ZNF585B: variants seen among roughly 807,000 people sequenced by gnomAD.
The protein encoded by ZNF585B is zinc finger protein 585B.
ZNF585B carries 7 observed loss-of-function variants against 14.0 expected under a neutral mutation model. That is an observed-to-expected ratio of 0.50 (90% CI 0.28 to 0.94). ZNF585B has a LOEUF of 0.94. Ranked by LOEUF, ZNF585B falls within the 40% of genes least tolerant of loss-of-function variation. The pLI is 0.09. For missense variants in ZNF585B, 750 were observed against 924.4 expected, an observed-to-expected ratio of 0.81 and a Z score of 2.45; for synonymous variants, 290 against 317.3, an observed-to-expected ratio of 0.91 and a Z score of 0.91.
rs112794863 is a variant in ZNF585B at position 37,184,644 on chromosome 19, T to C, written c.*583A>G. 1 of 185,050 alleles carries C rather than the reference T, an allele frequency of 5.4e-6. No homozygotes were observed. 11.5% of individuals were successfully genotyped at this position (185,050 alleles called of 1,614,324 possible). On this transcript the variant is annotated 3_prime_UTR_variant, in exon 5 of 5. Transcript: ENST00000532828. The stretch of plus-strand genomic sequence containing the variant: ...TTTCTATGACAATGGGGACTCAACA[T>C]ACGCTCTGAGGTCTGTGTCTGAATA...
chr19:37,200,968 G>A (rs1451075537), intron 2 of ZNF585B, among the ~76,000 whole-genome samples: 2 of 151,534 alleles, frequency 1.3e-5, no homozygotes, highest in African/African-American at 4.9e-5. Flanking sequence ...ACACACACCT[G>A]TAATCCCAGC....
intron 2 of ZNF585B, among the ~76,000 whole-genome samples, chr19:37,195,336 A>C (rs1481322807): frequency 1.7e-5 from 2 of 119,826 alleles, no homozygotes; most frequent in African/African-American, 3.3e-5. Flanking sequence ...ACAGAGCGAG[A>C]CTCTGACTCA....
chr19:37,208,798 C>A (rs184706032), intron 1 of ZNF585B, among the ~76,000 whole-genome samples: 1 of 152,248 alleles, frequency 6.6e-6, no homozygotes, highest in African/African-American at 2.4e-5. Flanking sequence ...TCGAGACCAG[C>A]CTGGCCAACA....
chr19:37,208,591 G>C (rs1972611941), intron 1 of ZNF585B, among the ~76,000 whole-genome samples: 1 of 100,382 alleles, frequency 1.0e-5, no homozygotes, highest in South Asian at 2.9e-4. Flanking sequence ...AGCAAAAAAG[G>C]CCAAAAAAAA....
chr19:37,203,137 T>A (rs1001517717), intron 2 of ZNF585B, among the ~76,000 whole-genome samples: 5 of 152,194 alleles, frequency 3.3e-5, no homozygotes, highest in African/African-American at 7.2e-5. Flanking sequence ...GTGACTCATG[T>A]CTTTGCTTTT....
intron 2 of ZNF585B, among the ~76,000 whole-genome samples, chr19:37,193,079 G>A (rs1478884296): frequency 2.6e-5 from 4 of 152,140 alleles, no homozygotes; most frequent in Non-Finnish European, 4.4e-5. Flanking sequence ...AGGTTGCAGT[G>A]AGCCGAGATT....
Position 37,186,775 on chromosome 19 carries a change from C to G in ZNF585B, c.762G>C (p.Lys254Asn). Residue 254 changes from lysine to asparagine, a missense_variant, in exon 5 of 5, where the codon AAG becomes AAC. Transcript: ENST00000532828. Reference sequence around the variant, plus strand: ...TTTTCTGATGAATCTTGAGTGTGGACTTTTGTGTGAACGCTTTGCCACAGT... The same window carrying G: ...TTTTCTGATGAATCTTGAGTGTGGAGTTTTGTGTGAACGCTTTGCCACAGT... ...CTDCGKAFTQKSTLKIHQKIH... is the reference protein window; with the variant it reads ...CTDCGKAFTQNSTLKIHQKIH... The G allele has an allele frequency of 1.9e-6, 3 of 1,614,108 alleles. No homozygotes were observed. Among genetic ancestry groups the G allele is most frequent in the Non-Finnish European group, 2.5e-6 (3 of 1,180,012 alleles).
intron 2 of ZNF585B, among the ~76,000 whole-genome samples, chr19:37,194,609 A>G (rs1341938460): frequency 2.6e-5 from 4 of 152,172 alleles, no homozygotes; most frequent in Non-Finnish European, 5.9e-5. Context: ...GCAAGACTCC[A>G]TCTCAAAAAC....
intron 2 of ZNF585B, among the ~76,000 whole-genome samples, chr19:37,199,233 C>T (rs1299005533): frequency 6.6e-6 from 1 of 152,046 alleles, no homozygotes; most frequent in African/African-American, 2.4e-5. Flanking sequence ...GCTTCTTATA[C>T]ACAGTTTGTC....
chr19:37,187,345 A>T, intron 4 of ZNF585B, 101 bp from the exon 5 acceptor site: 1 of 899,166 alleles, frequency 1.1e-6, no homozygotes, highest in Non-Finnish European at 1.6e-6. Context: ...GAATGTGTAG[A>T]TCTAAATTAT....
chr19:37,206,600 T>C (rs1369456782), intron 2 of ZNF585B, among the ~76,000 whole-genome samples: 1 of 151,922 alleles, frequency 6.6e-6, no homozygotes, highest in Non-Finnish European at 1.5e-5. Context: ...TAGCAGGAAA[T>C]ACATAGAAAA....
In ZNF585B at chr19:37,209,908, G is replaced by A. The variant is rs182050331; in HGVS notation, c.-144+533C>T. On this transcript the variant is annotated intron_variant, in intron 1 of 4. Transcript: ENST00000532828. ...TTTTTTGTATTTTTAGTAGAGACGG[G>A]GTTTCACCGTGTTAGCAAGGATGGT... 6.6e-3 allele frequency among the ~76,000 whole-genome samples: 997 copies of A among 151,564 alleles called. 2 individuals are homozygous for A. The highest frequency in any genetic ancestry group is 0.011 in the Non-Finnish European group (758 of 67,864).
chr19:37,183,893 A>G lies in ZNF585B; in HGVS notation c.*1334T>C, dbSNP rs1178637672. 1 of 152,106 alleles carries G rather than the reference A, an allele frequency of 6.6e-6. No individual in the cohort carries two copies. Among genetic ancestry groups the G allele is most frequent in the Non-Finnish European group, 1.5e-5 (1 of 68,012 alleles). 9.4% of individuals were successfully genotyped at this position (152,106 alleles called of 1,614,324 possible). A position where few individuals can be genotyped will look rare whatever the true frequency, so the allele number is the denominator to read the frequency against. On this transcript the variant is annotated 3_prime_UTR_variant, in exon 5 of 5. Transcript: ENST00000532828. ...TCAACTTATGAAAGTCAGATCATTA[A>G]GGAAAGTAAAATGCTGGGCTTCAAC... is the stretch of plus-strand genomic sequence containing the variant.
At chr19:37,198,056 A>G (rs10402050) in intron 2 of ZNF585B, among the ~76,000 whole-genome samples, 1 of 152,162 alleles carries the variant, frequency 6.6e-6, no homozygotes, top group African/African-American at 2.4e-5. Flanking sequence ...TAAATTTTGT[A>G]TATGTTGAGA....
intron 2 of ZNF585B, among the ~76,000 whole-genome samples, chr19:37,192,276 G>A (rs80261621): frequency 0.022 from 3,411 of 152,252 alleles, 140 homozygotes; most frequent in African/African-American, 0.077. Flanking sequence ...CTCTATCTGA[G>A]ACACCCTGAG....
rs1482456098 is a variant in ZNF585B at position 37,182,525 on chromosome 19, C to T, written c.*2702G>A. 2 of 152,154 alleles carry T rather than the reference C, an allele frequency of 1.3e-5. No homozygotes were observed. Among genetic ancestry groups the T allele is most frequent in the East Asian group, 3.8e-4 (2 of 5,200 alleles). The allele number at this position is 152,154 out of a possible 1,614,324, so 9.4% of individuals were successfully genotyped here. A position where few individuals can be genotyped will look rare whatever the true frequency, so the allele number is the denominator to read the frequency against. On this transcript the variant is annotated 3_prime_UTR_variant, in exon 5 of 5. Coordinates refer to ENST00000532828, the MANE Select transcript of ZNF585B (RefSeq NM_152279.4). ...GAGGTGAAGGGAGGTAATGGGTGAG[C>T]AGACATTGGTCTAAGATGTTGAGCA...
Position 37,185,932 on chromosome 19 carries a change from T to C in ZNF585B, c.1605A>G (p.Ser535=). The C allele has an allele frequency of 6.2e-7, 1 of 1,614,162 alleles. No homozygotes were observed. Among genetic ancestry groups the C allele is most frequent in the South Asian group, 1.1e-5 (1 of 91,078 alleles). ...GAATTTTCTGATGTATATTAAGATT[T>C]GACTTCTGAGTAAAGGCTTTTCCAC... ...NTCGKAFTQK[S]NLNIHQKIHT... The change falls in exon 5 of 5, where the codon TCA becomes TCG. Residue 535 remains serine (S), a synonymous_variant. Transcript: ENST00000532828.
chr19:37,209,099 CAT>C (rs1428410789), intron 1 of ZNF585B, among the ~76,000 whole-genome samples: 1 of 151,978 alleles, frequency 6.6e-6, no homozygotes, highest in African/African-American at 2.4e-5. Context: ...GCTATTTAGT[CAT>C]ATCTATTTTT....
intron 2 of ZNF585B, among the ~76,000 whole-genome samples, chr19:37,191,397 C>T (rs1972398425): frequency 6.6e-6 from 1 of 152,104 alleles, no homozygotes; most frequent in Admixed American, 6.5e-5. Flanking sequence ...GTAGGTAGAT[C>T]ACCTGAGGTT....
Sources: allele counts gnomAD v4.1 joint callset (sites outside exome capture counted in the v4.1 genomes callset), GRCh38; gene constraint gnomAD v4.1.1; transcripts MANE v1.5; gene names NCBI Gene and HGNC (gene_info 2026-07-23, HGNC 2026-07-21).